Variants in GALNT13 observed in about 807,000 individuals in gnomAD.
GALNT13 encodes the protein polypeptide N-acetylgalactosaminyltransferase 13.
A neutral mutation model predicts 64.2 loss-of-function variants in GALNT13; 28 were observed. The observed-to-expected ratio is 0.44, with a 90% confidence interval of 0.32 to 0.60. The LOEUF (loss-of-function observed/expected upper bound fraction) is 0.60, where lower values mean the gene tolerates loss of function less well. Among genes scored for constraint, GALNT13 ranks in the 20% least tolerant of loss-of-function variants. GALNT13 has a pLI of 0.05. For missense variants in GALNT13, 577 were observed against 669.8 expected (o/e 0.86, Z 1.53); for synonymous variants, 214 against 224.6 (o/e 0.95, Z 0.42).
the GALNT13 span, among the ~76,000 whole-genome samples, chr2:153,399,272 C>T: frequency 6.6e-6 from 1 of 151,908 alleles, no homozygotes; most frequent in Non-Finnish European, 1.5e-5. Flanking sequence ...TGTTCTGTTC[C>T]ATTGATCTAT....
chr2:153,085,065 G>C, the GALNT13 span, among the ~76,000 whole-genome samples: 5 of 152,298 alleles, frequency 3.3e-5, 2 homozygotes, highest in East Asian at 9.7e-4. Flanking sequence ...CTTGTGGGAA[G>C]TGGAGTAAAG....
At chr2:154,361,575 A>G (rs559508147) in intron 9 of GALNT13, among the ~76,000 whole-genome samples, 1 of 152,170 alleles carries the variant, frequency 6.6e-6, no homozygotes, top group African/African-American at 2.4e-5. Flanking sequence ...AATCCCTCTT[A>G]TATAAAACTA....
At chr2:154,328,057 A>G (rs1046971661) in intron 9 of GALNT13, among the ~76,000 whole-genome samples, 1 of 152,128 alleles carries the variant, frequency 6.6e-6, no homozygotes, top group African/African-American at 2.4e-5. Context: ...AAAAACATTG[A>G]TATGATAAAA....
At chr2:154,087,525 A>C (rs1389402624) in intron 3 of GALNT13, among the ~76,000 whole-genome samples, 1 of 152,078 alleles carries the variant, frequency 6.6e-6, no homozygotes, top group Non-Finnish European at 1.5e-5. Flanking sequence ...AGTCTATGCT[A>C]TCAGTTTTTC....
At chr2:153,831,842 T>C in the GALNT13 span, among the ~76,000 whole-genome samples, 95 of 152,178 alleles carry the variant, frequency 6.2e-4, 1 homozygote, top group Non-Finnish European at 1.3e-3. Context: ...ATTTATTGTC[T>C]TCTTTGAACT....
At chr2:153,576,303 C>T in the GALNT13 span, among the ~76,000 whole-genome samples, 42 of 152,116 alleles carry the variant, frequency 2.8e-4, no homozygotes, top group Middle Eastern at 3.4e-3. Flanking sequence ...CCACAGTCTG[C>T]GGGCCCAGTT....
the GALNT13 span, among the ~76,000 whole-genome samples, chr2:153,853,767 A>C: frequency 5.3e-5 from 8 of 150,388 alleles, no homozygotes; most frequent in African/African-American, 1.5e-4. Context: ...CAATTATATA[A>C]ATATAATATA....
chr2:153,088,480 G>T, the GALNT13 span, among the ~76,000 whole-genome samples: 2 of 152,064 alleles, frequency 1.3e-5, no homozygotes, highest in Non-Finnish European at 2.9e-5. Context: ...AAGTCTATTT[G>T]TTCTAGGGTA....
chr2:154,381,241 C>A (rs557447823), intron 9 of GALNT13, among the ~76,000 whole-genome samples: 1 of 152,092 alleles, frequency 6.6e-6, no homozygotes, highest in African/African-American at 2.4e-5. Flanking sequence ...ATAAAAACCA[C>A]TTTTTATCAA....
upstream of GALNT13, among the ~76,000 whole-genome samples, chr2:153,867,405 C>T (rs1397463072): frequency 6.6e-6 from 1 of 151,984 alleles, no homozygotes; most frequent in Non-Finnish European, 1.5e-5. Flanking sequence ...AGTTGAAAAG[C>T]TCAACTCTTA....
the GALNT13 span, among the ~76,000 whole-genome samples, chr2:153,810,094 G>A: frequency 6.6e-6 from 1 of 152,052 alleles, no homozygotes; most frequent in Non-Finnish European, 1.5e-5. Flanking sequence ...TCGAGTAGCT[G>A]GGACTGCAGG....
At chr2:153,471,573 G>A in the GALNT13 span, among the ~76,000 whole-genome samples, 2 of 152,234 alleles carry the variant, frequency 1.3e-5, no homozygotes, top group South Asian at 2.1e-4. Flanking sequence ...TTTAGAATCT[G>A]CCTGTAAATT....
At chr2:153,180,928 G>C in the GALNT13 span, among the ~76,000 whole-genome samples, 1 of 148,948 alleles carries the variant, frequency 6.7e-6, no homozygotes, top group Admixed American at 6.7e-5. Flanking sequence ...CGAGCTAAAG[G>C]TTTATTAATT....
chr2:153,747,111 G>A, the GALNT13 span, among the ~76,000 whole-genome samples: 3 of 151,882 alleles, frequency 2.0e-5, no homozygotes, highest in East Asian at 5.8e-4. Context: ...ATATTTATGG[G>A]ATACATGAGA....
At chr2:153,283,055 T>C in the GALNT13 span, among the ~76,000 whole-genome samples, 1 of 152,158 alleles carries the variant, frequency 6.6e-6, no homozygotes, top group East Asian at 1.9e-4. Flanking sequence ...TCCATCATTG[T>C]TTATTAAGAC....
chr2:153,730,079 G>C, the GALNT13 span, among the ~76,000 whole-genome samples: 1 of 151,520 alleles, frequency 6.6e-6, no homozygotes, highest in East Asian at 1.9e-4. Context: ...CCCATGATTA[G>C]ACAAAACAAT....
chr2:153,582,090 G>A, the GALNT13 span, among the ~76,000 whole-genome samples: 2 of 152,118 alleles, frequency 1.3e-5, no homozygotes, highest in African/African-American at 4.8e-5. Context: ...TGTCTATTTG[G>A]TAAGAACTTC....
intron 3 of GALNT13, among the ~76,000 whole-genome samples, chr2:154,022,946 A>T (rs961908260): frequency 3.3e-5 from 5 of 152,008 alleles, no homozygotes; most frequent in African/African-American, 1.2e-4. Context: ...CCTTCATTTC[A>T]TTATTTACCC....
the GALNT13 span, among the ~76,000 whole-genome samples, chr2:153,191,096 C>A: frequency 6.6e-6 from 1 of 152,042 alleles, no homozygotes; most frequent in African/African-American, 2.4e-5. Context: ...CTGGCTAAGA[C>A]TTCCAGTACT....
Sources: allele counts gnomAD v4.1 joint callset (sites outside exome capture counted in the v4.1 genomes callset), GRCh38; gene constraint gnomAD v4.1.1; transcripts MANE v1.5; gene names NCBI Gene and HGNC (gene_info 2026-07-23, HGNC 2026-07-21).